Variants in SOD2 observed in about 807,000 individuals in gnomAD.
SOD2 encodes the protein superoxide dismutase [Mn], mitochondrial.
Under a neutral mutation model 27.0 loss-of-function variants are expected in SOD2, and 11 were observed. That is an observed-to-expected ratio of 0.41 (90% CI 0.26 to 0.67). The LOEUF (loss-of-function observed/expected upper bound fraction) is 0.67, where lower values mean the gene tolerates loss of function less well. SOD2 is among the 30% of genes least tolerant of loss of function. SOD2 has a pLI of 0.34. For missense variants in SOD2, 250 were observed against 274.5 expected, an observed-to-expected ratio of 0.91 and a Z score of 0.63; for synonymous variants, 105 against 103.0, an observed-to-expected ratio of 1.02 and a Z score of -0.12.
upstream of SOD2, among the ~76,000 whole-genome samples, chr6:159,729,780 C>CT (rs1323619045): frequency 6.6e-6 from 1 of 152,180 alleles, no homozygotes; most frequent in Non-Finnish European, 1.5e-5. Context: ...AGATTGGTGT[C>CT]TTACATTCAG....
At chr6:159,684,187 C>T (rs1047324064) in intron 4 of SOD2, among the ~76,000 whole-genome samples, 1 of 152,160 alleles carries the variant, frequency 6.6e-6, no homozygotes, top group African/African-American at 2.4e-5. Context: ...GAGGAGGTAA[C>T]AGTACAAGCT....
intron 1 of SOD2, among the ~76,000 whole-genome samples, chr6:159,735,770 T>C (rs1306511254): frequency 6.6e-6 from 1 of 151,894 alleles, no homozygotes; most frequent in African/African-American, 2.4e-5. Context: ...AAATAAAATA[T>C]ATAATATATC....
At chr6:159,693,532 C>T (rs1437485073), upstream of SOD2, among the ~76,000 whole-genome samples, 7 of 152,184 alleles carry the variant, frequency 4.6e-5, no homozygotes, top group Non-Finnish European at 8.8e-5. Flanking sequence ...GAGGCGGCCC[C>T]TGCCCCCGTG....
upstream of SOD2, among the ~76,000 whole-genome samples, chr6:159,696,311 C>T (rs1193126322): frequency 1.3e-5 from 2 of 152,132 alleles, no homozygotes; most frequent in Admixed American, 1.3e-4. Context: ...CACTGTCTCC[C>T]CCAACCTTTT....
chr6:159,720,045 G>C (rs77938615), intron 1 of SOD2, among the ~76,000 whole-genome samples: 5,774 of 138,066 alleles, frequency 0.042, 181 homozygotes, highest in Middle Eastern at 0.083. Flanking sequence ...TTTTTTTGGT[G>C]GGGGGGACAG....
intron 1 of SOD2, chr6:159,739,108 T>C: frequency 7.7e-7 from 1 of 1,296,412 alleles, no homozygotes; most frequent in East Asian, 2.4e-5. Flanking sequence ...GACTCTACAC[T>C]GTAATTGTCT....
upstream of SOD2, among the ~76,000 whole-genome samples, chr6:159,731,837 C>G (rs1778589114): frequency 6.6e-6 from 1 of 152,110 alleles, no homozygotes. Flanking sequence ...TTCAGAATAC[C>G]AAGGTTATCA....
At chr6:159,755,730 T>TG (rs1779978776) in intron 1 of SOD2, 1 of 1,251,792 alleles carries the variant, frequency 8.0e-7, no homozygotes, top group African/African-American at 1.6e-5. Context: ...TTGGTTTTTT[T>TG]TTGTTGTTTT....
upstream of SOD2, among the ~76,000 whole-genome samples, chr6:159,693,892 C>T (rs1777361757): frequency 6.6e-6 from 1 of 152,242 alleles, no homozygotes; most frequent in African/African-American, 2.4e-5. Flanking sequence ...GGCACACAGA[C>T]TTTGTCCCCA....
At chr6:159,691,697 A>AC (rs780138251) in intron 2 of SOD2, 6 of 149,580 alleles carry the variant, frequency 4.0e-5, no homozygotes, top group Admixed American at 2.0e-4. Flanking sequence ...AAGTCCACAT[A>AC]CCCCTGGTTT....
chr6:159,762,139 A>C (rs1159348058), exon 1 of SOD2: 1 of 1,611,766 alleles, frequency 6.2e-7, no homozygotes, highest in Non-Finnish European at 8.5e-7. Flanking sequence ...GCGGACCATC[A>C]TAGGTGAGTG....
chr6:159,755,346 A>T, intron 1 of SOD2: 2 of 1,614,200 alleles, frequency 1.2e-6, no homozygotes, highest in Non-Finnish European at 8.5e-7. Context: ...TCTCCAGGGA[A>T]TGGTAATAAG....
intron 1 of SOD2, among the ~76,000 whole-genome samples, chr6:159,737,545 G>C (rs1778995948): frequency 6.6e-6 from 1 of 151,996 alleles, no homozygotes; most frequent in African/African-American, 2.4e-5. Flanking sequence ...CCATGCTGGA[G>C]TGCAGTGGTA....
At chr6:159,698,243 A>G (rs1445829965), upstream of SOD2, among the ~76,000 whole-genome samples, 1 of 148,876 alleles carries the variant, frequency 6.7e-6, no homozygotes, top group Non-Finnish European at 1.5e-5. Context: ...ACTGCACTCC[A>G]GCCTGGGCGA....
upstream of SOD2, among the ~76,000 whole-genome samples, chr6:159,697,418 G>A (rs1777443329): frequency 6.6e-6 from 1 of 152,110 alleles, no homozygotes; most frequent in Admixed American, 6.6e-5. Context: ...CCAAAATGAA[G>A]TGATCTAGGC....
intron 1 of SOD2, among the ~76,000 whole-genome samples, chr6:159,711,607 ATAAC>A: frequency 2.3e-5 from 3 of 131,224 alleles, no homozygotes; most frequent in Admixed American, 7.5e-5. Flanking sequence ...AACCACCTCC[ATAAC>A]CACCACTCAG....
intron 1 of SOD2, among the ~76,000 whole-genome samples, chr6:159,753,937 G>C (rs535531557): frequency 6.6e-6 from 1 of 152,294 alleles, no homozygotes; most frequent in East Asian, 1.9e-4. Context: ...GTTTGAAAGG[G>C]AGAATAAGCA....
exon 1 of SOD2, chr6:159,762,258 G>C: frequency 1.5e-6 from 2 of 1,340,164 alleles, no homozygotes; most frequent in South Asian, 1.5e-5. Context: ...GTCAGGCCAA[G>C]CCGCGAGGAG....
At chr6:159,686,152 A>T (rs933425712) in intron 3 of SOD2, among the ~76,000 whole-genome samples, 1 of 152,230 alleles carries the variant, frequency 6.6e-6, no homozygotes, top group African/African-American at 2.4e-5. Flanking sequence ...AACTAAATCA[A>T]CTGGGTCAAA....
Sources: gnomAD v4.1 joint callset for allele counts (sites outside exome capture counted in the v4.1 genomes callset) on GRCh38, gnomAD v4.1.1 for gene constraint, MANE v1.5 for transcripts, NCBI Gene and HGNC (gene_info 2026-07-23, HGNC 2026-07-21) for gene names.